Variants in ZNF385D observed in about 807,000 individuals in gnomAD.
ZNF385D encodes zinc finger protein 659.
A neutral mutation model predicts 35.8 loss-of-function variants in ZNF385D; 15 were observed. The observed-to-expected ratio is 0.42, with a 90% CI of 0.28 to 0.64. The LOEUF (loss-of-function observed/expected upper bound fraction) is 0.64, where lower values mean the gene tolerates loss of function less well. ZNF385D is among the 30% of genes least tolerant of loss of function. The pLI, the probability that ZNF385D is intolerant of heterozygous loss-of-function variation, is 0.23. For missense variants in ZNF385D, 474 were observed against 494.6 expected, an observed-to-expected ratio of 0.96 and a Z score of 0.39; for synonymous variants, 212 against 186.8, an observed-to-expected ratio of 1.13 and a Z score of -1.10.
At chr3:22,328,963 C>G (rs933018655) in intron 2 of ZNF385D, among the ~76,000 whole-genome samples, 13 of 150,144 alleles carry the variant, frequency 8.7e-5, no homozygotes, top group South Asian at 2.1e-4. Flanking sequence ...TGTAGTCCCA[C>G]CTACTTGGGA....
At chr3:21,928,378 C>T (rs1700847646) in intron 3 of ZNF385D, among the ~76,000 whole-genome samples, 1 of 148,340 alleles carries the variant, frequency 6.7e-6, no homozygotes, top group South Asian at 2.1e-4. Context: ...GAAAGGAAAG[C>T]AAAGGAAGAA....
chr3:22,302,847 T>A (rs1702981124), intron 2 of ZNF385D, among the ~76,000 whole-genome samples: 1 of 152,120 alleles, frequency 6.6e-6, no homozygotes, highest in African/African-American at 2.4e-5. Flanking sequence ...TTATTTTAAA[T>A]CAAATATTTA....
chr3:21,566,235 C>T (rs1446101450), intron 2 of ZNF385D, among the ~76,000 whole-genome samples: 1 of 151,014 alleles, frequency 6.6e-6, no homozygotes, highest in Non-Finnish European at 1.5e-5. Context: ...TTTCCACCTT[C>T]CCTTTAAATT....
At chr3:22,163,102 T>C (rs961175579) in intron 3 of ZNF385D, among the ~76,000 whole-genome samples, 1 of 152,216 alleles carries the variant, frequency 6.6e-6, no homozygotes, top group African/African-American at 2.4e-5. Flanking sequence ...ACCTCAGCAT[T>C]GACTAGCCAT....
chr3:21,569,727 C>A (rs1318618650), intron 2 of ZNF385D, among the ~76,000 whole-genome samples: 2 of 151,354 alleles, frequency 1.3e-5, no homozygotes, highest in Admixed American at 6.6e-5. Context: ...ACTATGCAGC[C>A]ATAAAAAATG....
At chr3:22,253,531 T>C (rs1292972561) in intron 2 of ZNF385D, among the ~76,000 whole-genome samples, 1 of 151,970 alleles carries the variant, frequency 6.6e-6, no homozygotes, top group Non-Finnish European at 1.5e-5. Flanking sequence ...CTGATGGTGA[T>C]AAATAAAAAT....
intron 3 of ZNF385D, among the ~76,000 whole-genome samples, chr3:22,070,728 G>T (rs1362301687): frequency 6.6e-6 from 1 of 152,084 alleles, no homozygotes; most frequent in Non-Finnish European, 1.5e-5. Context: ...TTTATTAAGG[G>T]TAAGGGGAAT....
chr3:22,111,061 C>G (rs972978984), intron 3 of ZNF385D, among the ~76,000 whole-genome samples: 3 of 150,240 alleles, frequency 2.0e-5, no homozygotes, highest in African/African-American at 7.3e-5. Context: ...GCTATTAATT[C>G]AGACGTTGTA....
At chr3:21,758,185 C>A (rs4532155) in intron 3 of ZNF385D, among the ~76,000 whole-genome samples, 102,867 of 152,052 alleles carry the variant, frequency 0.68, 35,920 homozygotes, top group East Asian at 0.9. Context: ...ATGGCATTTC[C>A]GTGATCTGTT....
chr3:21,928,387 A>G (rs1700850181), intron 3 of ZNF385D, among the ~76,000 whole-genome samples: 1 of 151,520 alleles, frequency 6.6e-6, no homozygotes, highest in African/African-American at 2.4e-5. Context: ...GCAAAGGAAG[A>G]AAGATGAAAA....
chr3:21,936,752 T>A (rs1575957240), intron 3 of ZNF385D, among the ~76,000 whole-genome samples: 1 of 152,136 alleles, frequency 6.6e-6, no homozygotes, highest in East Asian at 1.9e-4. Flanking sequence ...GCTAAAATTT[T>A]AAAAAATCTT....
chr3:22,048,592 C>A (rs1379643021), intron 3 of ZNF385D, among the ~76,000 whole-genome samples: 2 of 152,104 alleles, frequency 1.3e-5, no homozygotes, highest in African/African-American at 4.8e-5. Flanking sequence ...TTATTGTGTT[C>A]TATTGGCCTA....
intron 3 of ZNF385D, among the ~76,000 whole-genome samples, chr3:21,892,468 G>A (rs1262659449): frequency 1.3e-5 from 2 of 152,066 alleles, no homozygotes; most frequent in African/African-American, 4.8e-5. Flanking sequence ...AAATAGACTT[G>A]TTTGTGCTTT....
intron 3 of ZNF385D, among the ~76,000 whole-genome samples, chr3:21,901,140 C>G (rs1239570108): frequency 6.6e-6 from 1 of 152,142 alleles, no homozygotes; most frequent in Non-Finnish European, 1.5e-5. Context: ...CAATATAATC[C>G]TGTTATCTAT....
At chr3:21,682,058 C>A (rs1333375768) in intron 1 of ZNF385D, among the ~76,000 whole-genome samples, 2 of 151,988 alleles carry the variant, frequency 1.3e-5, no homozygotes, top group Non-Finnish European at 2.9e-5. Flanking sequence ...ACTGTTGCAC[C>A]AATTTTGGAG....
chr3:21,602,512 A>ATTTTTTTTTTTTTTTTTTT (rs199882061), intron 2 of ZNF385D, among the ~76,000 whole-genome samples: 9 of 90,188 alleles, frequency 1.0e-4, no homozygotes, highest in Non-Finnish European at 1.6e-4. Flanking sequence ...GTTTCCCTGC[A>ATTTTTTTTTTTTTTTTTTT]TTTTCTTTTT....
chr3:22,199,451 G>A (rs1338364240), intron 2 of ZNF385D, among the ~76,000 whole-genome samples: 1 of 152,098 alleles, frequency 6.6e-6, no homozygotes, highest in Non-Finnish European at 1.5e-5. Flanking sequence ...ACAACAAGAT[G>A]TTAGGCCATG....
At chr3:22,083,595 T>G (rs1361714180) in intron 3 of ZNF385D, among the ~76,000 whole-genome samples, 1 of 152,142 alleles carries the variant, frequency 6.6e-6, no homozygotes, top group Non-Finnish European at 1.5e-5. Context: ...AAAGACCAAA[T>G]CTATGTCTGA....
rs115353868 is a variant in ZNF385D at position 22,231,718 on chromosome 3, G to A, written c.107-62683C>T. Among the ~76,000 whole-genome samples, 860 of 152,240 alleles carry A rather than the reference G, an allele frequency of 5.6e-3. 9 individuals carry two copies. Among genetic ancestry groups the A allele is most frequent in the African/African-American group, 0.02 (836 of 41,548 alleles). Reference sequence around the variant, plus strand: ...TCCCAATCCTGGGGCAAGGAGCAGAGCAGAATAATATGGTTTGGCTCTGTG... The same window carrying A: ...TCCCAATCCTGGGGCAAGGAGCAGAACAGAATAATATGGTTTGGCTCTGTG... On this transcript the variant is annotated intron_variant, in intron 2 of 5. Transcript: ENST00000494108.
Sources: allele counts gnomAD v4.1 joint callset (sites outside exome capture counted in the v4.1 genomes callset), GRCh38; gene constraint gnomAD v4.1.1; transcripts MANE v1.5; gene names NCBI Gene and HGNC (gene_info 2026-07-23, HGNC 2026-07-21).